Variants in MOXD1 observed in about 807,000 individuals in gnomAD.
The protein encoded by MOXD1 is DBH-like monooxygenase protein 1.
MOXD1 carries 62 observed loss-of-function variants against 66.6 expected under a neutral mutation model. That is an observed-to-expected ratio of 0.93 (90% confidence interval 0.76 to 1.15). MOXD1 has a LOEUF of 1.15. Ranked by LOEUF, MOXD1 falls within the 50% of genes most tolerant of loss-of-function variation. MOXD1 has a pLI of 0.00. For missense variants in MOXD1, 847 were observed against 754.6 expected, an observed-to-expected ratio of 1.12 and a Z score of -1.44; for synonymous variants, 303 against 281.9, an observed-to-expected ratio of 1.07 and a Z score of -0.75.
chr6:132,335,260 T>C (rs1434496887), intron 4 of MOXD1, among the ~76,000 whole-genome samples: 2 of 151,508 alleles, frequency 1.3e-5, no homozygotes, highest in African/African-American at 4.9e-5. Context: ...TAAACAATAA[T>C]GCTGGCTGAA....
intron 4 of MOXD1, among the ~76,000 whole-genome samples, chr6:132,339,354 T>C (rs1775502843): frequency 6.6e-6 from 1 of 152,150 alleles, no homozygotes; most frequent in African/African-American, 2.4e-5. Context: ...TGTTCATTCT[T>C]GGACTCAAAT....
chr6:132,338,597 G>A (rs9388983), intron 4 of MOXD1, among the ~76,000 whole-genome samples: 6,655 of 152,076 alleles, frequency 0.044, 682 homozygotes, highest in East Asian at 0.44. Context: ...GCCAACCCCC[G>A]ACCCAGTGTT....
intron 10 of MOXD1, among the ~76,000 whole-genome samples, chr6:132,304,438 C>T (rs1774640915): frequency 6.6e-6 from 1 of 152,186 alleles, no homozygotes; most frequent in Non-Finnish European, 1.5e-5. Flanking sequence ...GAGAGTCCTT[C>T]AATGCTTTAG....
chr6:132,397,694 G>GAAAGAAAGAAAGA (rs1554239260), intron 1 of MOXD1, among the ~76,000 whole-genome samples: 293 of 117,540 alleles, frequency 2.5e-3, no homozygotes, highest in Non-Finnish European at 3.3e-3. Flanking sequence ...AAGAAAGAAA[G>GAAAGAAAGAAAGA]AAAGAAAAAG....
At chr6:132,392,161 A>C in intron 1 of MOXD1, 1 of 1,534,712 alleles carries the variant, frequency 6.5e-7, no homozygotes, top group Non-Finnish European at 8.8e-7. Context: ...CACATCGTTA[A>C]CCACAAAGAA....
At chr6:132,345,384 C>T (rs1304601593) in intron 4 of MOXD1, among the ~76,000 whole-genome samples, 4 of 151,516 alleles carry the variant, frequency 2.6e-5, no homozygotes, top group African/African-American at 9.7e-5. Flanking sequence ...TAATGCTGGC[C>T]TCACAGAATA....
At chr6:132,386,350 C>T (rs373827424) in intron 1 of MOXD1, among the ~76,000 whole-genome samples, 6 of 148,466 alleles carry the variant, frequency 4.0e-5, no homozygotes, top group Non-Finnish European at 5.9e-5. Flanking sequence ...TGCAGTGAGC[C>T]GAGATCGCGC....
chr6:132,349,494 T>C (rs1163214958), intron 4 of MOXD1, among the ~76,000 whole-genome samples: 6 of 133,874 alleles, frequency 4.5e-5, no homozygotes, highest in African/African-American at 1.8e-4. Flanking sequence ...TATATATATA[T>C]ACCACAGTTT....
intron 4 of MOXD1, among the ~76,000 whole-genome samples, chr6:132,348,499 TGTC>T (rs1369751851): frequency 6.6e-6 from 1 of 152,206 alleles, no homozygotes; most frequent in Non-Finnish European, 1.5e-5. Context: ...TCCCTAAACT[TGTC>T]AACATCTCCT....
chr6:132,358,123 A>G (rs1273521342), intron 4 of MOXD1, among the ~76,000 whole-genome samples: 1 of 152,192 alleles, frequency 6.6e-6, no homozygotes, highest in African/African-American at 2.4e-5. Flanking sequence ...TAAATTACTC[A>G]AGGTCATATA....
chr6:132,322,594 C>A (rs773618549), intron 8 of MOXD1, 85 bp downstream of exon 8: 52 of 1,345,080 alleles, frequency 3.9e-5, no homozygotes, highest in Non-Finnish European at 5.2e-5. Flanking sequence ...AAATTCATTT[C>A]ACTAGTAGAA....
rs1479905669 is a variant in MOXD1 at position 132,374,689 on chromosome 6, G to A, written c.353C>T (p.Thr118Ile). Residue 118 changes from threonine to isoleucine, a missense_variant, in exon 2 of 12, where the codon ACA (threonine) becomes ATA (isoleucine). Coordinates refer to ENST00000367963, the MANE Select transcript of MOXD1 (RefSeq NM_015529.4). ...CAGCTCTCTGGTAAATTCAATTATT[G>A]TGTGTGTGCTATTTTCCATGGCATA... ...LEYAMENSTH[T>I]IIEFTRELHT... The A allele has an allele frequency of 6.2e-7, 1 of 1,613,776 alleles. No individual in the cohort carries two copies. Among genetic ancestry groups the A allele is most frequent in the Non-Finnish European group, 8.5e-7 (1 of 1,179,868 alleles).
intron 4 of MOXD1, among the ~76,000 whole-genome samples, chr6:132,367,467 T>G (rs1427482107): frequency 6.6e-6 from 1 of 152,100 alleles, no homozygotes; most frequent in African/African-American, 2.4e-5. Context: ...AGGAGGAAAC[T>G]GAGGCACAGA....
At chr6:132,397,310 C>G (rs1056441944) in intron 1 of MOXD1, among the ~76,000 whole-genome samples, 1 of 152,238 alleles carries the variant, frequency 6.6e-6, no homozygotes, top group Admixed American at 6.5e-5. Flanking sequence ...TGGTTTGTTA[C>G]CAAGAATAGA....
rs1364395670 is a variant in MOXD1, at chr6:132,296,715, A to G, written c.*438T>C. 1 of 153,132 alleles carries G rather than the reference A, an allele frequency of 6.5e-6. No individual in the cohort carries two copies. The highest frequency in any genetic ancestry group is 1.9e-4 in the East Asian group (1 of 5,208). The allele number at this position is 153,132 out of a possible 1,614,324, so 9.5% of individuals were successfully genotyped here. On this transcript the variant is annotated 3_prime_UTR_variant, in exon 12 of 12. Coordinates refer to ENST00000367963, the MANE Select transcript of MOXD1 (RefSeq NM_015529.4). The stretch of plus-strand genomic sequence containing the variant: ...TACACTTGAAAAGTCACACTAGAAG[A>G]ACAACAAAGAAGAAGAAAACTGGAA...
intron 4 of MOXD1, among the ~76,000 whole-genome samples, chr6:132,348,358 T>G (rs1474540360): frequency 6.6e-6 from 1 of 152,234 alleles, no homozygotes; most frequent in Non-Finnish European, 1.5e-5. Context: ...CTTAATCCAG[T>G]ACATTTCAGT....
At chr6:132,379,721 C>A (rs528891429) in intron 1 of MOXD1, among the ~76,000 whole-genome samples, 3 of 152,318 alleles carry the variant, frequency 2.0e-5, no homozygotes, top group East Asian at 3.9e-4. Context: ...ATTTCAAATG[C>A]AATGGATCCA....
intron 1 of MOXD1, among the ~76,000 whole-genome samples, chr6:132,386,350 C>A (rs373827424): frequency 2.0e-5 from 3 of 148,466 alleles, no homozygotes; most frequent in Non-Finnish European, 1.5e-5. Flanking sequence ...TGCAGTGAGC[C>A]GAGATCGCGC....
intron 1 of MOXD1, chr6:132,392,090 C>T (rs1776777613): frequency 1.6e-6 from 2 of 1,278,146 alleles, no homozygotes; most frequent in African/African-American, 1.5e-5. Flanking sequence ...CCCTTACAGC[C>T]TTTCAATTTG....
Sources: gnomAD v4.1 joint callset for allele counts (sites outside exome capture counted in the v4.1 genomes callset) on GRCh38, gnomAD v4.1.1 for gene constraint, MANE v1.5 for transcripts, NCBI Gene and HGNC (gene_info 2026-07-23, HGNC 2026-07-21) for gene names.